The following REG3A variants were observed in gnomAD, a reference collection of about 807,000 sequenced individuals.
REG3A encodes the protein regenerating islet-derived protein 3-alpha.
A neutral mutation model predicts 20.5 loss-of-function variants in REG3A; 15 were observed. The observed-to-expected ratio is 0.73, with a 90% CI of 0.49 to 1.12. REG3A has a LOEUF of 1.12. REG3A is among the 50% of genes most tolerant of loss of function. The pLI is 0.00. For synonymous variants in REG3A, 93 were observed against 83.2 expected, an observed-to-expected ratio of 1.12 and a Z score of -0.64; for missense variants, 224 against 213.1, an observed-to-expected ratio of 1.05 and a Z score of -0.32.
Position 79,157,246 on chromosome 2 carries a change from CAT to C in REG3A, c.506_507del (p.Tyr169CysfsTer6). On this transcript the variant is annotated frameshift_variant, in exon 6 of 6. Transcript: ENST00000305165. LOFTEE classifies it high-confidence loss of function. The part of the protein sequence containing the change: ...KDYNCNVRLP[Y>X]VCKFTD Reference sequence around the variant, plus strand: ...CTGCACTAGTCAGTGAACTTGCAGACATAGGGTAACCTCACATTACAGTTATA... The same window carrying C: ...CTGCACTAGTCAGTGAACTTGCAGACAGGGTAACCTCACATTACAGTTATA... The C allele has an allele frequency of 6.2e-7, 1 of 1,613,994 alleles. No individual in the cohort carries two copies. Among genetic ancestry groups the C allele is most frequent in the African/African-American group, 1.3e-5 (1 of 75,014 alleles).
chr2:79,158,018 C>T (rs560783950), intron 4 of REG3A, among the ~76,000 whole-genome samples: 1 of 152,286 alleles, frequency 6.6e-6, no homozygotes, highest in African/African-American at 2.4e-5. Flanking sequence ...ATCCTATCTT[C>T]ATTAAGAGTT....
At chr2:79,159,070 G>T in intron 2 of REG3A, 1 of 578,612 alleles carries the variant, frequency 1.7e-6, no homozygotes. Flanking sequence ...TGACCCTCCA[G>T]TGTATATTAG....
chr2:79,157,720 C>T (rs1450557524), intron 4 of REG3A, 22 bp from the exon 5 acceptor site: 1 of 1,610,308 alleles, frequency 6.2e-7, no homozygotes, highest in Non-Finnish European at 8.5e-7. Context: ...AGGAGGTAGC[C>T]AGGTGAAGGG....
In REG3A at chr2:79,157,532, A is replaced by G. The variant is rs1572956112; in HGVS notation, c.460+40T>C. Reference sequence around the variant, plus strand: ...GTCAGACCCAGGAATGGGGGATGAGATGGAAAACACTGGGAAGAGGCAGCT... The same window carrying G: ...GTCAGACCCAGGAATGGGGGATGAGGTGGAAAACACTGGGAAGAGGCAGCT... On this transcript the variant is annotated intron_variant, in intron 5 of 5. Transcript: ENST00000305165. 1.9e-6 allele frequency: 3 copies of G among 1,607,080 alleles called. No individual in the cohort carries two copies. The South Asian group carries it at 3.3e-5, about 18-fold the overall frequency.
At chr2:79,159,270 T>C (rs1673391136) in intron 2 of REG3A, 60 bp downstream of exon 2, 1 of 1,564,294 alleles carries the variant, frequency 6.4e-7, no homozygotes, top group South Asian at 1.1e-5. Flanking sequence ...GGAGCCTTCC[T>C]CCTCTTGTTA....
At chr2:79,157,754 C>A (rs1673348718) in intron 4 of REG3A, 56 bp from the exon 5 acceptor site, 2 of 1,580,884 alleles carry the variant, frequency 1.3e-6, no homozygotes, top group Admixed American at 1.8e-5. Context: ...GCTCTTCTTG[C>A]ATGGCCCCTT....
chr2:79,158,598 G>C, intron 3 of REG3A, 53 bp downstream of exon 3: 1 of 1,608,092 alleles, frequency 6.2e-7, no homozygotes, highest in Non-Finnish European at 8.5e-7. Context: ...CCTGAATGGA[G>C]ACCCTCCTCC....
intron 5 of REG3A, 42 bp from the exon 6 acceptor site, chr2:79,157,335 C>T (rs779442791): frequency 1.9e-6 from 3 of 1,588,508 alleles, no homozygotes; most frequent in East Asian, 2.2e-5. Flanking sequence ...GCTGAGGAAG[C>T]TTGTGAATCC....
At chr2:79,159,021 T>A in intron 2 of REG3A, 1 of 580,356 alleles carries the variant, frequency 1.7e-6, no homozygotes, top group Non-Finnish European at 3.1e-6. Context: ...GTCTCTACAT[T>A]GGGTCCTCCA....
At position 79,159,129 on chromosome 2, in the gene REG3A, G is replaced by T. The variant is rs568367404; in HGVS notation, c.76+201C>A. On this transcript the variant is annotated intron_variant, in intron 2 of 5. Transcript: ENST00000305165. ...ATTAGAGTCCACTGACTAAATGGAA[G>T]CCATCTCATTCCACTGTTAGTGGAC... is the stretch of plus-strand genomic sequence containing the variant. The T allele has an allele frequency of 1.5e-4, 91 of 609,350 alleles. No homozygotes were observed. The African/African-American group carries it at 1.6e-3, about 11-fold the overall frequency. 37.7% of individuals were successfully genotyped at this position (609,350 alleles called of 1,614,324 possible).
chr2:79,159,247 C>T (rs909400912), intron 2 of REG3A, 83 bp downstream of exon 2: 15 of 1,421,646 alleles, frequency 1.1e-5, no homozygotes, highest in Non-Finnish European at 1.4e-5. Context: ...GTCATTACCT[C>T]ACATGACACA....
rs1207286259 is a variant in REG3A, at chr2:79,159,313, A to G, written c.76+17T>C. On this transcript the variant is annotated intron_variant, in intron 2 of 5. Transcript: ENST00000305165. ...GGATTCATAGGGAACCCAGTGCTAG[A>G]GGCAAAGCAATCTCACCTTGAACCT... 1.2e-6 allele frequency: 2 copies of G among 1,613,694 alleles called. No individual in the cohort carries two copies. Among genetic ancestry groups the G allele is most frequent in the Non-Finnish European group, 1.7e-6 (2 of 1,179,738 alleles).
In REG3A at chr2:79,157,077, CG is replaced by C. The variant is rs1673331216; in HGVS notation, c.*148del. The C allele has an allele frequency of 1.5e-6, 1 of 665,488 alleles. No homozygotes were observed. The highest frequency in any genetic ancestry group is 2.7e-6 in the Non-Finnish European group (1 of 376,552). The allele number at this position is 665,488 out of a possible 1,614,324, so 41.2% of individuals were successfully genotyped here. ...CAAAATGAAGAGACTGAAATGACAG[CG>C]GGGAGGAAGAAACAGAAGAAAGATA... On this transcript the variant is annotated 3_prime_UTR_variant, in exon 6 of 6. Coordinates refer to ENST00000305165, the MANE Select transcript of REG3A (RefSeq NM_002580.3).
chr2:79,159,688 G>T, intron 1 of REG3A, 40 bp downstream of exon 1: 1 of 382,010 alleles, frequency 2.6e-6, no homozygotes. Context: ...ATGTGCAGTA[G>T]CTCCTCCCTG....
chr2:79,158,517 C>G (rs1673368684), intron 3 of REG3A, 54 bp from the exon 4 acceptor site: 1 of 1,610,624 alleles, frequency 6.2e-7, no homozygotes, highest in African/African-American at 1.3e-5. Flanking sequence ...TGAGGGAGGG[C>G]AGGGCAAAGG....
At position 79,158,420 on chromosome 2, in the gene REG3A, A is replaced by G; in HGVS notation, c.239T>C (p.Leu80Pro). 1.2e-6 allele frequency: 2 copies of G among 1,614,144 alleles called. No homozygotes were observed. Among genetic ancestry groups the G allele is most frequent in the South Asian group, 1.1e-5 (1 of 91,088 alleles). ...CACGAAGGATCCCTCAGCCCCACTG[A>G]GCACAGACACCAGGTTTCCAGAGGG... ...KRPSGNLVSVLSGAEGSFVSS... is the reference protein window; with the variant it reads ...KRPSGNLVSVPSGAEGSFVSS... The change falls in exon 4 of 6, where the codon CTC becomes CCC. Residue 80 changes from leucine to proline, a missense_variant. Coordinates refer to ENST00000305165, the MANE Select transcript of REG3A (RefSeq NM_002580.3).
At position 79,159,611 on chromosome 2, in the gene REG3A, C is replaced by A. The variant is rs578006392; in HGVS notation, c.-35+117G>T. On this transcript the variant is annotated intron_variant, in intron 1 of 5. Transcript: ENST00000305165. ...CCCATCCCCGAGCCCTCCCAGGACA[C>A]CCTTGCTGAGTCTCAGAGTTCCTGT... 7 of 573,928 alleles carry A rather than the reference C, an allele frequency of 1.2e-5. No homozygotes were observed. In the African/African-American group the frequency reaches 1.3e-4, roughly 11 times the overall value. The allele number at this position is 573,928 out of a possible 1,614,324, so 35.6% of individuals were successfully genotyped here. A position where few individuals can be genotyped will look rare whatever the true frequency, so the allele number is the denominator to read the frequency against.
chr2:79,157,788 C>G, intron 4 of REG3A, 90 bp from the exon 5 acceptor site: 15 of 1,510,820 alleles, frequency 9.9e-6, no homozygotes, highest in Non-Finnish European at 1.3e-5. Flanking sequence ...GATTTGCTCC[C>G]CAGCATGAGG....
At chr2:79,157,334 G>A (rs989261229) in intron 5 of REG3A, 41 bp from the exon 6 acceptor site, 1 of 1,590,218 alleles carries the variant, frequency 6.3e-7, no homozygotes, top group Non-Finnish European at 8.6e-7. Context: ...GGCTGAGGAA[G>A]CTTGTGAATC....
Sources: allele counts gnomAD v4.1 joint callset (sites outside exome capture counted in the v4.1 genomes callset), GRCh38; gene constraint gnomAD v4.1.1; transcripts MANE v1.5; gene names NCBI Gene and HGNC (gene_info 2026-07-23, HGNC 2026-07-21).